Variants in PRDM15 observed in about 807,000 individuals in gnomAD.
PRDM15 encodes the protein PR domain zinc finger protein 15.
PRDM15 carries 64 observed loss-of-function variants against 128.6 expected under a neutral mutation model. The ratio of observed to expected loss-of-function variants is 0.50; its 90% CI spans 0.41 to 0.61. PRDM15 has a LOEUF of 0.61. Ranked by LOEUF, PRDM15 falls within the 20% of genes least tolerant of loss-of-function variation. The pLI is 0.00. For missense variants in PRDM15, 1,242 were observed against 1,569.1 expected, an observed-to-expected ratio of 0.79 and a Z score of 3.52; for synonymous variants, 615 against 621.8, an observed-to-expected ratio of 0.99 and a Z score of 0.16.
chr21:41,873,818 G>A (rs2064299943), intron 1 of PRDM15, among the ~76,000 whole-genome samples: 1 of 152,160 alleles, frequency 6.6e-6, no homozygotes, highest in Non-Finnish European at 1.5e-5. Flanking sequence ...GCCAAGGTGG[G>A]AGGATTGCTG....
chr21:41,861,096 A>C (rs1156698434), intron 1 of PRDM15, among the ~76,000 whole-genome samples: 1 of 152,168 alleles, frequency 6.6e-6, no homozygotes, highest in Non-Finnish European at 1.5e-5. Context: ...TCAGCCTCCC[A>C]AAGTGCTGGG....
At chr21:41,806,845 TCAC>T (rs1301331911) in intron 21 of PRDM15, among the ~76,000 whole-genome samples, 1,718 of 143,398 alleles carry the variant, frequency 0.012, 18 homozygotes, top group South Asian at 0.071. Context: ...ACCACGACTG[TCAC>T]CACCATCACC....
intron 11 of PRDM15, among the ~76,000 whole-genome samples, chr21:41,834,352 C>T (rs761227935): frequency 5.9e-5 from 9 of 152,146 alleles, no homozygotes; most frequent in Admixed American, 1.3e-4. Flanking sequence ...GGCCCATGTG[C>T]GACAGCCCTG....
At chr21:41,817,972 G>A (rs1290798247) in intron 18 of PRDM15, among the ~76,000 whole-genome samples, 2 of 152,208 alleles carry the variant, frequency 1.3e-5, no homozygotes, top group African/African-American at 4.8e-5. Context: ...CACACCCCTT[G>A]CCTCCCAGGG....
intron 5 of PRDM15, among the ~76,000 whole-genome samples, chr21:41,850,171 G>A (rs1022709921): frequency 3.9e-5 from 6 of 152,196 alleles, no homozygotes; most frequent in East Asian, 1.9e-4. Flanking sequence ...ATTTCCATTC[G>A]TCCACGATCT....
At chr21:41,815,619 A>C in intron 19 of PRDM15, 86 bp downstream of exon 19, 1 of 1,541,410 alleles carries the variant, frequency 6.5e-7, no homozygotes, top group Non-Finnish European at 8.8e-7. Context: ...GAATCGTCTC[A>C]AGGCGGCTCT....
At chr21:41,806,544 CA>C (rs2061661327) in intron 21 of PRDM15, among the ~76,000 whole-genome samples, 1 of 12,806 alleles carries the variant, frequency 7.8e-5, no homozygotes, top group African/African-American at 3.7e-4. Context: ...TCACTACCAC[CA>C]ACATCACCAC....
intron 5 of PRDM15, among the ~76,000 whole-genome samples, chr21:41,848,834 G>C (rs547250504): frequency 2.6e-5 from 4 of 152,226 alleles, no homozygotes; most frequent in South Asian, 4.1e-4. Flanking sequence ...AAGCACTCAG[G>C]GTTTTCCGAA....
intron 6 of PRDM15, among the ~76,000 whole-genome samples, chr21:41,840,870 AAGG>A (rs1197273155): frequency 1.3e-5 from 2 of 152,172 alleles, no homozygotes; most frequent in African/African-American, 4.8e-5. Flanking sequence ...ATAAAATAAA[AAGG>A]AGGCCCAAAA....
chr21:41,812,086 C>G (rs1043358651), intron 19 of PRDM15: 1 of 152,218 alleles, frequency 6.6e-6, no homozygotes, highest in Non-Finnish European at 1.5e-5. Context: ...CAATTGCTCC[C>G]GCACGGCCAC....
intron 11 of PRDM15, among the ~76,000 whole-genome samples, chr21:41,829,033 ACG>A (rs1189429760): frequency 1.4e-5 from 2 of 144,404 alleles, no homozygotes; most frequent in Admixed American, 7.0e-5. Context: ...CTACACACAC[ACG>A]CCCCACCCAA....
chr21:41,874,526 T>TATATA (rs370122401), intron 1 of PRDM15, among the ~76,000 whole-genome samples: 66 of 41,204 alleles, frequency 1.6e-3, no homozygotes, highest in South Asian at 3.9e-3. Context: ...TATATATATA[T>TATATA]TTTTTTTTTT....
Position 41,839,641 on chromosome 21 carries a change from C to T in PRDM15, c.853G>A (p.Glu285Lys). Residue 285 changes from glutamate to lysine, a missense_variant, in exon 7 of 24, where the codon GAA becomes AAA. Physicochemically the swap from Glu to Lys is moderately conservative, Grantham distance 56 (BLOSUM62 1). This residue lies in a region of PRDM15 where 612 missense variants were observed against 717.0 expected (regional missense o/e 0.85). Coordinates refer to ENST00000398548, the MANE Select transcript of PRDM15 (RefSeq NM_001040424.3). Reference sequence around the variant, plus strand: ...TCATCACCTGTGGGTTCCTTGTCTTCCACGATGACTAGAGGCTGCTCAGCT... The same window carrying T: ...TCATCACCTGTGGGTTCCTTGTCTTTCACGATGACTAGAGGCTGCTCAGCT... Reference protein sequence around the residue: ...SKAEQPLVIVEDKEPTEQVAE... With the variant: ...SKAEQPLVIVKDKEPTEQVAE... The T allele has an allele frequency of 6.2e-7, 1 of 1,613,968 alleles. No individual in the cohort carries two copies. The highest frequency in any genetic ancestry group is 1.1e-5 in the South Asian group (1 of 91,082).
chr21:41,872,864 A>C, intron 1 of PRDM15, among the ~76,000 whole-genome samples: 1 of 152,226 alleles, frequency 6.6e-6, no homozygotes, highest in Non-Finnish European at 1.5e-5. Context: ...GTTTATAGCC[A>C]GTTTATAGAA....
At chr21:41,835,799 C>T (rs115356271) in intron 10 of PRDM15, among the ~76,000 whole-genome samples, 2 of 152,312 alleles carry the variant, frequency 1.3e-5, no homozygotes, top group Admixed American at 6.5e-5. Context: ...CTGACCAGGA[C>T]GAGGGGCTGA....
In PRDM15 at chr21:41,799,192, G is replaced by T. The variant is rs2061362539; in HGVS notation, c.*2048C>A. ...TCAATGCTAGTGGGTGTTTCGTCAT[G>T]AGCCCAAAGCCCGTTGGGAGTCTCT... On this transcript the variant is annotated 3_prime_UTR_variant, in exon 24 of 24. Coordinates refer to ENST00000398548, the MANE Select transcript of PRDM15 (RefSeq NM_001040424.3). The T allele has an allele frequency of 6.6e-6, 1 of 152,200 alleles. No individual in the cohort carries two copies. Among genetic ancestry groups the T allele is most frequent in the Admixed American group, 6.5e-5 (1 of 15,284 alleles). The allele number at this position is 152,200 out of a possible 1,614,324, so 9.4% of individuals were successfully genotyped here.
intron 11 of PRDM15, among the ~76,000 whole-genome samples, chr21:41,829,017 TAC>T (rs1295848345): frequency 3.3e-5 from 3 of 91,908 alleles, no homozygotes; most frequent in African/African-American, 1.3e-4. Flanking sequence ...ACACACCACA[TAC>T]ACACTACACA....
At chr21:41,872,736 C>T (rs2064257939) in intron 1 of PRDM15, among the ~76,000 whole-genome samples, 1 of 152,014 alleles carries the variant, frequency 6.6e-6, no homozygotes, top group African/African-American at 2.4e-5. Context: ...TTCAGGAGGT[C>T]GGGGGATGGT....
At chr21:41,873,894 A>T (rs2064302555) in intron 1 of PRDM15, among the ~76,000 whole-genome samples, 1 of 151,866 alleles carries the variant, frequency 6.6e-6, no homozygotes, top group Non-Finnish European at 1.5e-5. Flanking sequence ...GAAAACACAA[A>T]AGTTAGCCAG....
Sources: allele counts gnomAD v4.1 joint callset (sites outside exome capture counted in the v4.1 genomes callset), GRCh38; gene constraint gnomAD v4.1.1; regional missense constraint gnomAD v4.1.1; transcripts MANE v1.5; gene names NCBI Gene and HGNC (gene_info 2026-07-23, HGNC 2026-07-21).